Variants in CACNA1C observed in about 807,000 individuals in gnomAD.
CACNA1C encodes voltage-dependent L-type calcium channel subunit alpha-1C.
Under a neutral mutation model 229.0 loss-of-function variants are expected in CACNA1C, and 30 were observed. That is an observed-to-expected ratio of 0.13 (90% CI 0.10 to 0.18). The LOEUF (loss-of-function observed/expected upper bound fraction) is 0.18. CACNA1C is among the 10% of genes least tolerant of loss of function. The pLI is 1.00. For missense variants in CACNA1C, 1,658 were observed against 2,845.0 expected, an observed-to-expected ratio of 0.58 and a Z score of 9.49; for synonymous variants, 1,114 against 1,132.5, an observed-to-expected ratio of 0.98 and a Z score of 0.33.
intron 38 of CACNA1C, among the ~76,000 whole-genome samples, chr12:2,669,911 T>A (rs940181881): frequency 1.3e-5 from 2 of 152,224 alleles, no homozygotes; most frequent in Non-Finnish European, 2.9e-5. Context: ...GCTTGCTTTA[T>A]GATGGATAAG....
intron 3 of CACNA1C, among the ~76,000 whole-genome samples, chr12:2,211,525 C>T (rs1027386871): frequency 6.6e-6 from 1 of 152,150 alleles, no homozygotes. Context: ...CTCTAGCAGC[C>T]TTATGCATCT....
chr12:2,111,327 G>A (rs1176325323), intron 1 of CACNA1C, among the ~76,000 whole-genome samples: 1 of 152,228 alleles, frequency 6.6e-6, no homozygotes, highest in Admixed American at 6.5e-5. Flanking sequence ...GCTCTGCACA[G>A]CCAGCTGCCG....
chr12:2,081,421 A>C (rs2065562622), intron 1 of CACNA1C, among the ~76,000 whole-genome samples: 1 of 152,136 alleles, frequency 6.6e-6, no homozygotes, highest in Non-Finnish European at 1.5e-5. Flanking sequence ...AATACAAAAA[A>C]TTAGCCGAGC....
At chr12:2,268,589 A>G (rs1036049525) in intron 3 of CACNA1C, among the ~76,000 whole-genome samples, 1 of 152,098 alleles carries the variant, frequency 6.6e-6, no homozygotes, top group Non-Finnish European at 1.5e-5. Flanking sequence ...CAGCGAGGGA[A>G]CAGTTGGACC....
chr12:2,670,832 C>T (rs1437561502), intron 38 of CACNA1C, among the ~76,000 whole-genome samples: 2 of 150,128 alleles, frequency 1.3e-5, no homozygotes, highest in African/African-American at 2.5e-5. Flanking sequence ...CTAGCCTGGG[C>T]GACAGAGTGA....
rs572027957 is a variant in CACNA1C, at chr12:2,475,038, G to A, written c.758-11066G>A. Among the ~76,000 whole-genome samples, 4 of 152,168 alleles carry A rather than the reference G, an allele frequency of 2.6e-5. No homozygotes were observed. The South Asian group carries it at 8.3e-4, about 32-fold the overall frequency. On this transcript the variant is annotated intron_variant, in intron 5 of 46. Transcript: ENST00000399655. Reference sequence around the variant, plus strand: ...GTTTTGGCTGGGCGCGGTGGCTCACGCTTGTAATCCCAGCACTTTGGTGGG... The same window carrying A: ...GTTTTGGCTGGGCGCGGTGGCTCACACTTGTAATCCCAGCACTTTGGTGGG...
intron 29 of CACNA1C, among the ~76,000 whole-genome samples, chr12:2,627,417 G>A (rs1484717588): frequency 6.6e-6 from 1 of 151,874 alleles, no homozygotes; most frequent in African/African-American, 2.4e-5. Flanking sequence ...ACACAGACAC[G>A]CACTGAGACT....
At chr12:2,528,186 C>G (rs1326638578) in intron 9 of CACNA1C, among the ~76,000 whole-genome samples, 2 of 152,198 alleles carry the variant, frequency 1.3e-5, no homozygotes, top group African/African-American at 4.8e-5. Flanking sequence ...AAGCAGGCAG[C>G]CAGACTTCAC....
intron 3 of CACNA1C, among the ~76,000 whole-genome samples, chr12:2,394,057 A>G (rs1415851771): frequency 1.3e-5 from 2 of 149,484 alleles, no homozygotes; most frequent in African/African-American, 4.9e-5. Context: ...GTGAGCTATG[A>G]TTGTGCCACT....
chr12:2,251,526 C>T (rs972082941), intron 3 of CACNA1C, among the ~76,000 whole-genome samples: 5 of 152,350 alleles, frequency 3.3e-5, no homozygotes, highest in African/African-American at 1.2e-4. Context: ...GGCACTGCCA[C>T]AGTCTTTGAG....
intron 3 of CACNA1C, among the ~76,000 whole-genome samples, chr12:2,272,714 T>C (rs779211776): frequency 2.0e-5 from 3 of 152,220 alleles, no homozygotes; most frequent in African/African-American, 7.2e-5. Context: ...TTCCTCTGCA[T>C]TGTGCCGTGA....
Position 2,649,678 on chromosome 12 carries a change from T to G in CACNA1C, c.3945+1171T>G, listed in dbSNP as rs1311849609. Among the ~76,000 whole-genome samples, 1 of 140,294 alleles carries G rather than the reference T, an allele frequency of 7.1e-6. No homozygotes were observed. The highest frequency in any genetic ancestry group is 6.9e-5 in the Admixed American group (1 of 14,548). 92.0% of individuals were successfully genotyped at this position (140,294 alleles called of 152,430 possible). A position where few individuals can be genotyped will look rare whatever the true frequency, so the allele number is the denominator to read the frequency against. ...TGCAAGCTTGGTGTTTGGCGTTTTT[T>G]GGGTTTTTTTGTTTGTTTATTTTGT... On this transcript the variant is annotated intron_variant, in intron 31 of 46. Transcript: ENST00000399655. This position sits in a 1 kb window ranked among gnomAD's most constrained non-coding sequence, Gnocchi z 4.4.
Position 2,504,693 on chromosome 12 carries a change from G to T in CACNA1C, c.1114-149G>T. 1.4e-6 allele frequency: 1 copy of T among 739,242 alleles called. No homozygotes were observed. The allele number at this position is 739,242 out of a possible 1,614,324, so 45.8% of individuals were successfully genotyped here. A position where few individuals can be genotyped will look rare whatever the true frequency, so the allele number is the denominator to read the frequency against. On this transcript the variant is annotated intron_variant, in intron 7 of 46. Coordinates refer to ENST00000399655, the MANE Select transcript of CACNA1C (RefSeq NM_000719.7). This position sits in a 1 kb window ranked among gnomAD's most constrained non-coding sequence, Gnocchi z 6.8. The stretch of plus-strand genomic sequence containing the variant: ...GTTCAACCACAGATTCTGACCCATT[G>T]GCCAGGCAGGCTGTTTGGCCTCTGA...
chr12:2,100,050 T>C (rs1022331466), intron 1 of CACNA1C, among the ~76,000 whole-genome samples: 7 of 152,350 alleles, frequency 4.6e-5, no homozygotes, highest in Middle Eastern at 3.4e-3. Flanking sequence ...TCCATGCCCC[T>C]GAGTGCCAGG....
chr12:2,071,609 T>G (rs1226792064), intron 1 of CACNA1C, among the ~76,000 whole-genome samples: 1 of 152,188 alleles, frequency 6.6e-6, no homozygotes, highest in East Asian at 1.9e-4. Context: ...TGTATTGATC[T>G]TTCTCATTTT....
intron 3 of CACNA1C, among the ~76,000 whole-genome samples, chr12:2,377,355 A>G (rs2098106760): frequency 6.6e-6 from 1 of 152,106 alleles, no homozygotes; most frequent in Non-Finnish European, 1.5e-5. Context: ...AGGGGCTTTC[A>G]TGCAGTGCAA....
intron 3 of CACNA1C, among the ~76,000 whole-genome samples, chr12:2,440,642 G>A (rs1040246418): frequency 1.3e-5 from 2 of 152,198 alleles, no homozygotes; most frequent in African/African-American, 4.8e-5. Context: ...GTTGGGCACA[G>A]TAACCCAGGG....
intron 1 of CACNA1C, among the ~76,000 whole-genome samples, chr12:1,976,365 G>A (rs1190652369): frequency 6.6e-6 from 1 of 152,170 alleles, no homozygotes; most frequent in African/African-American, 2.4e-5. Flanking sequence ...TTAAATTTTG[G>A]TGGCTCTTCT....
At chr12:2,432,824 A>G (rs996795467) in intron 3 of CACNA1C, among the ~76,000 whole-genome samples, 5 of 152,234 alleles carry the variant, frequency 3.3e-5, no homozygotes, top group Admixed American at 3.3e-4. Flanking sequence ...GAACTTCCAT[A>G]TCCCTTCCAG....
Sources: gnomAD v4.1 joint callset for allele counts (sites outside exome capture counted in the v4.1 genomes callset) on GRCh38, gnomAD v4.1.1 for gene constraint, Gnocchi (gnomAD v3.1) non-coding constraint, MANE v1.5 for transcripts, NCBI Gene and HGNC (gene_info 2026-07-23, HGNC 2026-07-21) for gene names.